Variants in PTPRG observed in about 807,000 individuals in gnomAD.
The protein encoded by PTPRG is receptor-type tyrosine-protein phosphatase gamma.
Under a neutral mutation model 165.3 loss-of-function variants are expected in PTPRG, and 102 were observed. The observed-to-expected ratio is 0.62, with a 90% confidence interval of 0.53 to 0.73. PTPRG has a LOEUF of 0.73. PTPRG is among the 30% of genes least tolerant of loss of function. The probability of loss-of-function intolerance (pLI) is 0.00; values close to 1 mark genes in which losing one functional copy is unlikely to be tolerated. For synonymous variants in PTPRG, 675 were observed against 669.5 expected, an observed-to-expected ratio of 1.01 and a Z score of -0.13; for missense variants, 1,866 against 1,861.4, an observed-to-expected ratio of 1.00 and a Z score of -0.05.
chr3:62,265,716 T>C (rs1250206448), intron 17 of PTPRG, among the ~76,000 whole-genome samples: 1 of 152,084 alleles, frequency 6.6e-6, no homozygotes, highest in Non-Finnish European at 1.5e-5. Flanking sequence ...GCAGTATTTG[T>C]TGGCCAGCTC....
chr3:62,116,137 G>C (rs1702858830), intron 5 of PTPRG, among the ~76,000 whole-genome samples: 1 of 152,144 alleles, frequency 6.6e-6, no homozygotes. Context: ...CAGCTAACCA[G>C]AGCCCAGAAC....
At chr3:62,064,754 C>T (rs1330038319) in intron 4 of PTPRG, among the ~76,000 whole-genome samples, 7 of 62,682 alleles carry the variant, frequency 1.1e-4, no homozygotes, top group Admixed American at 7.4e-4. Context: ...TTTTTTGAGG[C>T]GGAGTTTCAC....
chr3:62,114,681 T>A (rs1158529200), intron 5 of PTPRG, among the ~76,000 whole-genome samples: 1 of 152,184 alleles, frequency 6.6e-6, no homozygotes, highest in Admixed American at 6.5e-5. Flanking sequence ...TCTTGCTCTG[T>A]CTCTGAGGCT....
intron 14 of PTPRG, among the ~76,000 whole-genome samples, chr3:62,239,360 C>CTTTTTTTTTTTTTTTTTTTTTT (rs776921598): frequency 1.6e-5 from 2 of 124,538 alleles, no homozygotes; most frequent in Non-Finnish European, 3.4e-5. Flanking sequence ...TTTTTTCTTT[C>CTTTTTTTTTTTTTTTTTTTTTT]TTTTTTTTTT....
At chr3:61,698,193 C>G (rs146363006) in intron 1 of PTPRG, among the ~76,000 whole-genome samples, 1 of 152,154 alleles carries the variant, frequency 6.6e-6, no homozygotes, top group East Asian at 1.9e-4. Flanking sequence ...CAACCATGAA[C>G]TTAGGTTGGG....
chr3:61,626,961 A>G (rs1373798351), intron 1 of PTPRG, among the ~76,000 whole-genome samples: 2 of 152,176 alleles, frequency 1.3e-5, no homozygotes, highest in African/African-American at 4.8e-5. Context: ...CTACACTACA[A>G]ATGATCCTGT....
chr3:61,741,973 C>T (rs2033005059), intron 1 of PTPRG, among the ~76,000 whole-genome samples: 1 of 152,156 alleles, frequency 6.6e-6, no homozygotes, highest in South Asian at 2.1e-4. Flanking sequence ...AACATTTATT[C>T]ATATTCAATA....
chr3:62,038,665 G>A (rs1396842025), intron 4 of PTPRG, among the ~76,000 whole-genome samples: 1 of 152,170 alleles, frequency 6.6e-6, no homozygotes, highest in African/African-American at 2.4e-5. Context: ...CAAAGTGCTG[G>A]GATTACAGGT....
At chr3:61,846,350 G>A (rs1449081455) in intron 2 of PTPRG, among the ~76,000 whole-genome samples, 1 of 152,236 alleles carries the variant, frequency 6.6e-6, no homozygotes, top group Non-Finnish European at 1.5e-5. Context: ...TCCATGTGAC[G>A]GTTGCAGGTC....
chr3:62,065,046 T>C (rs349174), intron 4 of PTPRG, among the ~76,000 whole-genome samples: 135,305 of 152,060 alleles, frequency 0.89, 60,215 homozygotes, highest in Middle Eastern at 0.93. Context: ...TTGGAAATTT[T>C]TAAATGAGAG....
chr3:62,136,644 A>C (rs138944045), intron 6 of PTPRG, among the ~76,000 whole-genome samples: 173 of 152,268 alleles, frequency 1.1e-3, no homozygotes, highest in African/African-American at 4.0e-3. Context: ...AGGTAATTGA[A>C]TCATGGGGGC....
intron 2 of PTPRG, among the ~76,000 whole-genome samples, chr3:61,856,768 T>C (rs1281301373): frequency 6.6e-6 from 1 of 152,234 alleles, no homozygotes; most frequent in Non-Finnish European, 1.5e-5. Context: ...TTACTCATTA[T>C]GCTGCTCTTG....
At chr3:62,040,290 G>T (rs956539684) in intron 4 of PTPRG, among the ~76,000 whole-genome samples, 1 of 152,192 alleles carries the variant, frequency 6.6e-6, no homozygotes, top group Admixed American at 6.5e-5. Flanking sequence ...TAAGATGCCA[G>T]TAACAAAGGC....
At chr3:61,807,653 T>C (rs550775946) in intron 2 of PTPRG, among the ~76,000 whole-genome samples, 3 of 152,246 alleles carry the variant, frequency 2.0e-5, no homozygotes, top group Non-Finnish European at 4.4e-5. Flanking sequence ...TATACACATA[T>C]GTACACTTGT....
chr3:61,789,545 T>C (rs2034811239), intron 2 of PTPRG, among the ~76,000 whole-genome samples: 1 of 152,200 alleles, frequency 6.6e-6, no homozygotes, highest in Admixed American at 6.5e-5. Flanking sequence ...CAGCATAAAG[T>C]GTTGCTGGAA....
chr3:61,563,080 C>T (rs1699805916), intron 1 of PTPRG, among the ~76,000 whole-genome samples: 1 of 151,864 alleles, frequency 6.6e-6, no homozygotes, highest in Admixed American at 6.6e-5. Context: ...GGCCCGTGGC[C>T]CTTTCCCTCC....
At chr3:62,122,236 T>G (rs967186835) in intron 5 of PTPRG, among the ~76,000 whole-genome samples, 1 of 152,242 alleles carries the variant, frequency 6.6e-6, no homozygotes, top group Non-Finnish European at 1.5e-5. Context: ...AGTTTGTCTG[T>G]GAATGAAGTA....
chr3:61,991,886 T>G (rs1019412757), intron 3 of PTPRG, among the ~76,000 whole-genome samples: 1 of 152,194 alleles, frequency 6.6e-6, no homozygotes, highest in African/African-American at 2.4e-5. Flanking sequence ...GTATGTAGGG[T>G]TCACTCGATG....
chr3:62,246,020 G>A lies in PTPRG; in HGVS notation c.2467+2122G>A, dbSNP rs145361396. Among the ~76,000 whole-genome samples the A allele has an allele frequency of 1.2e-3, 190 of 152,232 alleles. 1 individual carries two copies. The highest frequency in any genetic ancestry group is 4.3e-3 in the African/African-American group (177 of 41,556). ...TCCCAGTTACCTATTTAATTAAGAA[G>A]TTAAATACTCAAAACCCAGGGGCAT... On this transcript the variant is annotated intron_variant, in intron 15 of 29. Coordinates refer to ENST00000474889, the MANE Select transcript of PTPRG (RefSeq NM_002841.4).
Sources: allele counts gnomAD v4.1 joint callset (sites outside exome capture counted in the v4.1 genomes callset), GRCh38; gene constraint gnomAD v4.1.1; transcripts MANE v1.5; gene names NCBI Gene and HGNC (gene_info 2026-07-23, HGNC 2026-07-21).